ROBO2: variants seen among roughly 807,000 people sequenced by gnomAD.
ROBO2 encodes roundabout guidance receptor 2.
A neutral mutation model predicts 160.8 loss-of-function variants in ROBO2; 53 were observed. The ratio of observed to expected loss-of-function variants is 0.33; its 90% CI spans 0.26 to 0.41. ROBO2 has a LOEUF of 0.41. ROBO2 is among the 10% of genes least tolerant of loss of function. The pLI, the probability that ROBO2 is intolerant of heterozygous loss-of-function variation, is 1.00. For missense variants in ROBO2, 1,577 were observed against 1,722.4 expected, an observed-to-expected ratio of 0.92 and a Z score of 1.49; for synonymous variants, 664 against 611.7, an observed-to-expected ratio of 1.09 and a Z score of -1.26.
chr3:76,124,753 A>G (rs72894591), intron 2 of ROBO2, among the ~76,000 whole-genome samples: 1 of 152,128 alleles, frequency 6.6e-6, no homozygotes, highest in Non-Finnish European at 1.5e-5. Flanking sequence ...GTCTAATATT[A>G]CATATATTTT....
At chr3:76,860,099 T>C (rs1472494845) in intron 2 of ROBO2, among the ~76,000 whole-genome samples, 5 of 152,212 alleles carry the variant, frequency 3.3e-5, no homozygotes, top group Admixed American at 3.3e-4. Context: ...AAGTCATTGA[T>C]CTAAAGACAA....
intron 2 of ROBO2, among the ~76,000 whole-genome samples, chr3:77,220,820 T>A (rs1328321313): frequency 6.6e-6 from 1 of 152,126 alleles, no homozygotes; most frequent in Admixed American, 6.6e-5. Context: ...CCCATTCATC[T>A]TTTTGAAAAA....
intron 19 of ROBO2, among the ~76,000 whole-genome samples, chr3:77,600,507 T>C (rs2094409244): frequency 6.6e-6 from 1 of 152,182 alleles, no homozygotes; most frequent in Non-Finnish European, 1.5e-5. Flanking sequence ...TTGTTTAACA[T>C]TTGAGCACAC....
intron 2 of ROBO2, among the ~76,000 whole-genome samples, chr3:76,195,323 G>A (rs1333162022): frequency 6.6e-6 from 1 of 152,082 alleles, no homozygotes; most frequent in Admixed American, 6.6e-5. Context: ...TTTTAAATAA[G>A]ACATGGTCCC....
intron 2 of ROBO2, among the ~76,000 whole-genome samples, chr3:76,721,936 G>C (rs1468828771): frequency 6.6e-6 from 1 of 152,220 alleles, no homozygotes; most frequent in Non-Finnish European, 1.5e-5. Context: ...CAAGGGGGTA[G>C]AGTTGAGGTA....
chr3:76,675,036 T>C (rs2092372337), intron 2 of ROBO2, among the ~76,000 whole-genome samples: 3 of 152,182 alleles, frequency 2.0e-5, no homozygotes, highest in Admixed American at 1.3e-4. Flanking sequence ...GTTTAATTTA[T>C]GGAGAATAGA....
chr3:76,326,758 A>G lies in ROBO2; in HGVS notation c.109+389156A>G, dbSNP rs367913225. 3.9e-5 allele frequency among the ~76,000 whole-genome samples: 5 copies of G among 127,578 alleles called. No homozygotes were observed. In the East Asian group the frequency reaches 1.4e-3, roughly 35 times the overall value. The allele number at this position is 127,578 out of a possible 152,430, so 83.7% of individuals were successfully genotyped here. The stretch of plus-strand genomic sequence containing the variant: ...AGCATTAGGTATATCTCCCAATGCT[A>G]TCCCTCCCCCCTCCCCCCACCCCAC... On this transcript the variant is annotated intron_variant, in intron 2 of 26. Coordinates refer to the ROBO2 transcript ENST00000487694.
At chr3:76,307,260 G>A (rs1467641778) in intron 2 of ROBO2, among the ~76,000 whole-genome samples, 1 of 152,098 alleles carries the variant, frequency 6.6e-6, no homozygotes, top group Non-Finnish European at 1.5e-5. Flanking sequence ...ATACTTAGTG[G>A]AAAAGCCACC....
At chr3:76,277,927 G>GT (rs1298505467) in intron 2 of ROBO2, among the ~76,000 whole-genome samples, 1,602 of 140,208 alleles carry the variant, frequency 0.011, 11 homozygotes, top group African/African-American at 0.03. Context: ...ACAGTTTTTT[G>GT]TTTTTTTTTT....
chr3:76,773,819 G>A (rs1391446601), intron 2 of ROBO2, among the ~76,000 whole-genome samples: 1 of 150,532 alleles, frequency 6.6e-6, no homozygotes, highest in African/African-American at 2.4e-5. Context: ...CTTGCAAAAT[G>A]GCCCTGGGAA....
chr3:76,114,944 A>G (rs1187884136), intron 2 of ROBO2, among the ~76,000 whole-genome samples: 1 of 152,084 alleles, frequency 6.6e-6, no homozygotes, highest in East Asian at 1.9e-4. Flanking sequence ...TTGAATGGGC[A>G]TTTCTTTCAT....
At chr3:77,164,994 C>T (rs533458425) in intron 2 of ROBO2, among the ~76,000 whole-genome samples, 61 of 148,526 alleles carry the variant, frequency 4.1e-4, no homozygotes, top group Admixed American at 2.8e-3. Context: ...AGGGGCGCCT[C>T]TGCCCGGCGG....
chr3:77,236,055 G>C (rs1240601660), intron 2 of ROBO2, among the ~76,000 whole-genome samples: 1 of 152,232 alleles, frequency 6.6e-6, no homozygotes, highest in African/African-American at 2.4e-5. Context: ...CAGCCCTCAG[G>C]AGACCCTGAG....
intron 2 of ROBO2, among the ~76,000 whole-genome samples, chr3:76,532,335 A>C (rs1225493638): frequency 6.6e-6 from 1 of 152,204 alleles, no homozygotes; most frequent in African/African-American, 2.4e-5. Context: ...CAGCCTTAGA[A>C]ACATCCAGTC....
At chr3:76,726,711 G>A (rs1482030187) in intron 2 of ROBO2, among the ~76,000 whole-genome samples, 1 of 152,076 alleles carries the variant, frequency 6.6e-6, no homozygotes, top group African/African-American at 2.4e-5. Flanking sequence ...TATGATATCA[G>A]ATGTTATTGC....
chr3:75,947,267 A>G (rs2107149177), intron 2 of ROBO2, among the ~76,000 whole-genome samples: 1 of 152,224 alleles, frequency 6.6e-6, no homozygotes, highest in Non-Finnish European at 1.5e-5. Flanking sequence ...TCAAGTAGGC[A>G]CTGACAAGTT....
intron 2 of ROBO2, among the ~76,000 whole-genome samples, chr3:76,862,000 A>C (rs888077605): frequency 6.6e-6 from 1 of 152,156 alleles, no homozygotes; most frequent in Non-Finnish European, 1.5e-5. Flanking sequence ...TAGAGACCTC[A>C]AGAACAAAGA....
intron 4 of ROBO2, among the ~76,000 whole-genome samples, chr3:77,488,550 A>G (rs1008629810): frequency 6.6e-6 from 1 of 152,222 alleles, no homozygotes; most frequent in Non-Finnish European, 1.5e-5. Context: ...AATTGTACAG[A>G]GCTCTAATTG....
intron 2 of ROBO2, among the ~76,000 whole-genome samples, chr3:76,684,921 C>T (rs1024687564): frequency 6.6e-6 from 1 of 151,690 alleles, no homozygotes; most frequent in Non-Finnish European, 1.5e-5. Flanking sequence ...GAATTAAAAA[C>T]CCCAGGCAAA....
Sources: allele counts gnomAD v4.1 joint callset (sites outside exome capture counted in the v4.1 genomes callset), GRCh38; gene constraint gnomAD v4.1.1; transcripts MANE v1.5; gene names NCBI Gene and HGNC (gene_info 2026-07-23, HGNC 2026-07-21).